The following PLXDC2 variants were observed in gnomAD, a reference collection of about 807,000 sequenced individuals.
PLXDC2 encodes the protein plexin domain containing 2, also known as plexin domain-containing protein 2.
Under a neutral mutation model 68.9 loss-of-function variants are expected in PLXDC2, and 40 were observed. The ratio of observed to expected loss-of-function variants is 0.58; its 90% confidence interval spans 0.45 to 0.76. PLXDC2 has a LOEUF of 0.76. Among genes scored for constraint, PLXDC2 ranks in the 30% least tolerant of loss-of-function variants. PLXDC2 has a pLI of 0.00. For synonymous variants in PLXDC2, 243 were observed against 234.2 expected (o/e 1.04, Z -0.34); for missense variants, 644 against 661.9 (o/e 0.97, Z 0.30).
chr10:20,101,795 C>CT lies in PLXDC2; in HGVS notation c.541+33566dup, dbSNP rs78761647. On this transcript the variant is annotated intron_variant, in intron 4 of 13. Coordinates refer to ENST00000377252, the MANE Select transcript of PLXDC2 (RefSeq NM_032812.9). ...GACAATATCTTGTTTTTTTACCAAA[C>CT]TTTTTTTTTTAATTGTTTTTGAGAT... Among the ~76,000 whole-genome samples the CT allele has an allele frequency of 3.0e-3, 448 of 149,396 alleles. 4 individuals are homozygous for CT. Among genetic ancestry groups the CT allele is most frequent in the African/African-American group, 8.7e-3 (352 of 40,624 alleles).
chr10:19,844,740 C>T (rs534732712), intron 1 of PLXDC2, among the ~76,000 whole-genome samples: 6 of 152,002 alleles, frequency 3.9e-5, no homozygotes, highest in South Asian at 2.1e-4. Context: ...GGACTACAGG[C>T]GCGCATCACT....
At chr10:20,199,172 C>T (rs1564350707) in intron 9 of PLXDC2, among the ~76,000 whole-genome samples, 1 of 151,930 alleles carries the variant, frequency 6.6e-6, no homozygotes, top group East Asian at 1.9e-4. Context: ...AGCACTGGTA[C>T]TGAAGATCAC....
chr10:19,936,303 G>A (rs1237044224), intron 1 of PLXDC2, among the ~76,000 whole-genome samples: 2 of 152,118 alleles, frequency 1.3e-5, no homozygotes, highest in Non-Finnish European at 2.9e-5. Flanking sequence ...GATTGGTTTT[G>A]TCTGCTTTAT....
At chr10:20,004,732 A>G (rs1834998842) in intron 2 of PLXDC2, among the ~76,000 whole-genome samples, 1 of 152,204 alleles carries the variant, frequency 6.6e-6, no homozygotes, top group Non-Finnish European at 1.5e-5. Context: ...ATAAAATAAG[A>G]AATCTCTTTG....
intron 1 of PLXDC2, among the ~76,000 whole-genome samples, chr10:19,930,316 C>G (rs1270846386): frequency 6.6e-6 from 1 of 152,194 alleles, no homozygotes; most frequent in Non-Finnish European, 1.5e-5. Flanking sequence ...ATAGAAACTT[C>G]CTTTTTTCCA....
At chr10:20,085,028 C>T (rs940513051) in intron 4 of PLXDC2, among the ~76,000 whole-genome samples, 1 of 151,864 alleles carries the variant, frequency 6.6e-6, no homozygotes, top group Non-Finnish European at 1.5e-5. Context: ...ATGTAAATGG[C>T]ACAACCCTCG....
At chr10:20,138,607 A>G (rs1564329518) in intron 4 of PLXDC2, among the ~76,000 whole-genome samples, 1 of 152,230 alleles carries the variant, frequency 6.6e-6, no homozygotes, top group African/African-American at 2.4e-5. Flanking sequence ...TTAGTGCAAG[A>G]ATACAACAAA....
intron 1 of PLXDC2, among the ~76,000 whole-genome samples, chr10:19,990,542 T>A (rs1269344912): frequency 6.6e-6 from 1 of 152,232 alleles, no homozygotes; most frequent in Non-Finnish European, 1.5e-5. Flanking sequence ...TCTACAGGTG[T>A]TGATAGATTA....
At chr10:20,018,315 A>G (rs1025039668) in intron 2 of PLXDC2, among the ~76,000 whole-genome samples, 13 of 130,570 alleles carry the variant, frequency 1.0e-4, no homozygotes, top group African/African-American at 3.3e-4. Context: ...TTGAGTTGAA[A>G]TCAGTAAGAT....
At chr10:20,063,735 C>T (rs569913661) in intron 3 of PLXDC2, among the ~76,000 whole-genome samples, 1 of 152,046 alleles carries the variant, frequency 6.6e-6, no homozygotes, top group African/African-American at 2.4e-5. Context: ...GTCTGTTGCC[C>T]CGAGAAATTG....
intron 4 of PLXDC2, among the ~76,000 whole-genome samples, chr10:20,105,800 C>T (rs1833483811): frequency 6.6e-6 from 1 of 152,188 alleles, no homozygotes; most frequent in South Asian, 2.1e-4. Context: ...TCATCACATT[C>T]AGAGCCACAC....
chr10:20,155,763 T>C (rs1274775315), intron 6 of PLXDC2, among the ~76,000 whole-genome samples: 1 of 152,192 alleles, frequency 6.6e-6, no homozygotes, highest in Non-Finnish European at 1.5e-5. Flanking sequence ...GAAAATAAGT[T>C]GAATTATTCT....
intron 7 of PLXDC2, among the ~76,000 whole-genome samples, chr10:20,170,579 C>G (rs961663314): frequency 1.3e-5 from 2 of 152,124 alleles, no homozygotes; most frequent in African/African-American, 4.8e-5. Flanking sequence ...AATATGCACA[C>G]TATCTTAAGC....
intron 1 of PLXDC2, among the ~76,000 whole-genome samples, chr10:19,936,865 T>C (rs1363335648): frequency 6.6e-6 from 1 of 152,230 alleles, no homozygotes; most frequent in Non-Finnish European, 1.5e-5. Flanking sequence ...CATCCAGAGA[T>C]ACTTCATATA....
At chr10:20,229,517 C>CAAAAAAAAA (rs58386547) in intron 12 of PLXDC2, among the ~76,000 whole-genome samples, 2 of 105,664 alleles carry the variant, frequency 1.9e-5, no homozygotes, top group African/African-American at 3.6e-5. Context: ...CCACTTTAAG[C>CAAAAAAAAA]AAAAAAAAAA....
chr10:20,126,202 C>T (rs1377586495), intron 4 of PLXDC2, among the ~76,000 whole-genome samples: 1 of 142,576 alleles, frequency 7.0e-6, no homozygotes, highest in East Asian at 2.0e-4. Flanking sequence ...TATATGTATA[C>T]ACACACATAT....
intron 9 of PLXDC2, among the ~76,000 whole-genome samples, chr10:20,193,643 G>T (rs868486427): frequency 4.6e-5 from 7 of 152,040 alleles, no homozygotes; most frequent in Non-Finnish European, 7.4e-5. Context: ...GATAAAAGGG[G>T]TGTGCTCTGA....
chr10:19,999,865 T>C (rs911785013), intron 1 of PLXDC2, among the ~76,000 whole-genome samples: 2 of 152,230 alleles, frequency 1.3e-5, no homozygotes, highest in Non-Finnish European at 2.9e-5. Flanking sequence ...AAAAGCTGTC[T>C]GCTTTTGCAG....
chr10:20,030,261 T>C (rs748667950), intron 2 of PLXDC2, among the ~76,000 whole-genome samples: 2 of 152,088 alleles, frequency 1.3e-5, no homozygotes, highest in Non-Finnish European at 2.9e-5. Context: ...ATTATACAAA[T>C]GACCATGAAT....
Sources: gnomAD v4.1 joint callset for allele counts (sites outside exome capture counted in the v4.1 genomes callset) on GRCh38, gnomAD v4.1.1 for gene constraint, MANE v1.5 for transcripts, NCBI Gene and HGNC (gene_info 2026-07-23, HGNC 2026-07-21) for gene names.